The following CDH13 variants were observed in gnomAD, a reference collection of about 807,000 sequenced individuals.
The protein encoded by CDH13 is cadherin 13.
Under a neutral mutation model 63.8 loss-of-function variants are expected in CDH13, and 24 were observed. The observed-to-expected ratio is 0.38, with a 90% CI of 0.27 to 0.53. CDH13 has a LOEUF of 0.53. CDH13 is among the 20% of genes least tolerant of loss of function. CDH13 has a pLI of 0.85. For synonymous variants in CDH13, 503 were observed against 355.3 expected (o/e 1.42, Z -4.67); for missense variants, 1,049 against 903.1 (o/e 1.16, Z -2.07).
chr16:83,740,325 C>A (rs1672224859), intron 10 of CDH13, among the ~76,000 whole-genome samples: 1 of 151,874 alleles, frequency 6.6e-6, no homozygotes, highest in South Asian at 2.1e-4. Context: ...ACTGGCTGCT[C>A]TTTGGAGAAT....
intron 3 of CDH13, among the ~76,000 whole-genome samples, chr16:83,097,559 A>T (rs747559846): frequency 6.6e-6 from 1 of 152,232 alleles, no homozygotes; most frequent in African/African-American, 2.4e-5. Context: ...CCAGTAATCA[A>T]TATGGATGCC....
chr16:82,719,610 C>G (rs1441643728), intron 1 of CDH13: 2 of 348,012 alleles, frequency 5.7e-6, no homozygotes, highest in Non-Finnish European at 1.1e-5. Context: ...CTTTGACAAG[C>G]CAAGGTGGGT....
intron 1 of CDH13, among the ~76,000 whole-genome samples, chr16:82,776,356 G>T (rs533992670): frequency 6.6e-6 from 1 of 152,152 alleles, no homozygotes; most frequent in African/African-American, 2.4e-5. Context: ...GCTTTTGTGA[G>T]ACTATCAAGG....
chr16:82,797,757 A>T (rs1219791285), intron 1 of CDH13, among the ~76,000 whole-genome samples: 1 of 148,264 alleles, frequency 6.7e-6, no homozygotes. Flanking sequence ...ACAAGGGCCC[A>T]TGTATGACTT....
At chr16:83,148,415 C>T (rs866580118) in intron 4 of CDH13, among the ~76,000 whole-genome samples, 66 of 152,312 alleles carry the variant, frequency 4.3e-4, no homozygotes, top group African/African-American at 1.3e-3. Context: ...AGAACTAAGA[C>T]GGCAGTAGGA....
At chr16:83,620,885 G>A (rs1909750486) in intron 8 of CDH13, among the ~76,000 whole-genome samples, 1 of 152,108 alleles carries the variant, frequency 6.6e-6, no homozygotes, top group African/African-American at 2.4e-5. Flanking sequence ...AGCAAGACTG[G>A]TCATTCCATC....
chr16:83,794,185 G>T (rs1031087409), intron 13 of CDH13, among the ~76,000 whole-genome samples: 21 of 152,302 alleles, frequency 1.4e-4, no homozygotes, highest in Middle Eastern at 3.4e-3. Flanking sequence ...TTCCAGAACT[G>T]TAAGAGAATA....
intron 10 of CDH13, among the ~76,000 whole-genome samples, chr16:83,700,273 C>G (rs1015091636): frequency 4.6e-5 from 7 of 152,198 alleles, no homozygotes; most frequent in African/African-American, 1.7e-4. Flanking sequence ...TACACAGAGA[C>G]AAAGACCTTC....
intron 2 of CDH13, among the ~76,000 whole-genome samples, chr16:82,976,404 C>A (rs1171622605): frequency 6.6e-6 from 1 of 152,164 alleles, no homozygotes; most frequent in Non-Finnish European, 1.5e-5. Flanking sequence ...ATTCCTATGT[C>A]CTTTTTCTTC....
At chr16:83,238,832 T>C (rs540899629) in intron 5 of CDH13, among the ~76,000 whole-genome samples, 1 of 152,320 alleles carries the variant, frequency 6.6e-6, no homozygotes, top group East Asian at 1.9e-4. Flanking sequence ...CTCCAAGTCA[T>C]GGAGAACTTT....
At chr16:83,662,748 C>A (rs1199910441) in intron 8 of CDH13, among the ~76,000 whole-genome samples, 1 of 152,176 alleles carries the variant, frequency 6.6e-6, no homozygotes, top group Non-Finnish European at 1.5e-5. Context: ...CTGATGAGAT[C>A]AGTAGACATC....
chr16:82,833,843 G>T (rs2038650018), intron 1 of CDH13, among the ~76,000 whole-genome samples: 1 of 152,190 alleles, frequency 6.6e-6, no homozygotes, highest in Non-Finnish European at 1.5e-5. Context: ...GTTTCTTCCT[G>T]GTTGATGCGA....
chr16:82,903,871 C>A lies in CDH13; in HGVS notation c.157+45398C>A, dbSNP rs530806159. Among the ~76,000 whole-genome samples, 15 of 152,202 alleles carry A rather than the reference C, an allele frequency of 9.9e-5. No individual in the cohort carries two copies. In the South Asian group the frequency reaches 2.7e-3, roughly 27 times the overall value. ...GAGGTGATGCAGATTGCTGAAGTGC[C>A]TATAGCTAGGAAGTGGCAAGTCACA... On this transcript the variant is annotated intron_variant, in intron 2 of 13. Coordinates refer to ENST00000567109, the MANE Select transcript of CDH13 (RefSeq NM_001257.5).
chr16:82,818,243 G>A (rs1214297530), intron 1 of CDH13, among the ~76,000 whole-genome samples: 2 of 152,120 alleles, frequency 1.3e-5, no homozygotes, highest in African/African-American at 4.8e-5. Context: ...TTACGTAGAT[G>A]AGGAATTTGA....
intron 2 of CDH13, among the ~76,000 whole-genome samples, chr16:82,959,567 T>C (rs9928775): frequency 0.061 from 9,257 of 152,154 alleles, 878 homozygotes; most frequent in African/African-American, 0.21. Flanking sequence ...ATTTTCTGAG[T>C]AGTTACATCT....
intron 13 of CDH13, among the ~76,000 whole-genome samples, chr16:83,791,245 C>T (rs1323650932): frequency 6.6e-6 from 1 of 152,144 alleles, no homozygotes; most frequent in African/African-American, 2.4e-5. Flanking sequence ...GTCTGTAATC[C>T]CAACACTTTC....
At chr16:82,694,889 T>C (rs76706141) in intron 1 of CDH13, among the ~76,000 whole-genome samples, 5,544 of 152,238 alleles carry the variant, frequency 0.036, 157 homozygotes, top group South Asian at 0.11. Flanking sequence ...GCCTTGGGTA[T>C]TCTTACTGAG....
At chr16:82,847,226 G>A (rs1222550230) in intron 1 of CDH13, among the ~76,000 whole-genome samples, 3 of 152,220 alleles carry the variant, frequency 2.0e-5, no homozygotes, top group African/African-American at 4.8e-5. Flanking sequence ...AATGGCTGCT[G>A]TAACAAATGA....
chr16:83,254,240 G>A (rs772837506), intron 5 of CDH13, among the ~76,000 whole-genome samples: 2 of 152,144 alleles, frequency 1.3e-5, no homozygotes, highest in Admixed American at 1.3e-4. Context: ...GCGAAGTCAC[G>A]GAGCTGCTGT....
Sources: gnomAD v4.1 joint callset for allele counts (sites outside exome capture counted in the v4.1 genomes callset) on GRCh38, gnomAD v4.1.1 for gene constraint, MANE v1.5 for transcripts, NCBI Gene and HGNC (gene_info 2026-07-23, HGNC 2026-07-21) for gene names.